The following GSK3B variants were observed in gnomAD, a reference collection of about 807,000 sequenced individuals.
GSK3B encodes the protein glycogen synthase kinase-3 beta.
GSK3B carries 15 observed loss-of-function variants against 56.4 expected under a neutral mutation model. The ratio of observed to expected loss-of-function variants is 0.27; its 90% CI spans 0.18 to 0.41. The LOEUF (loss-of-function observed/expected upper bound fraction) is 0.41, where lower values mean the gene tolerates loss of function less well. Among genes scored for constraint, GSK3B ranks in the 10% least tolerant of loss-of-function variants. The pLI is 1.00. For missense variants in GSK3B, 300 were observed against 513.4 expected (o/e 0.58, Z 4.02); for synonymous variants, 181 against 188.9 (o/e 0.96, Z 0.34).
intron 1 of GSK3B, among the ~76,000 whole-genome samples, chr3:120,027,788 T>C (rs1258606601): frequency 1.3e-5 from 2 of 152,208 alleles, no homozygotes; most frequent in African/African-American, 2.4e-5. Context: ...TTTCTCTAGA[T>C]AGTGAGAATA....
At chr3:120,039,104 T>A (rs1467058480) in intron 1 of GSK3B, among the ~76,000 whole-genome samples, 2 of 152,218 alleles carry the variant, frequency 1.3e-5, no homozygotes, top group Non-Finnish European at 2.9e-5. Flanking sequence ...CAACATCATA[T>A]GTCATTAGGG....
intron 2 of GSK3B, among the ~76,000 whole-genome samples, chr3:119,975,495 A>G (rs2057401552): frequency 6.6e-6 from 1 of 152,200 alleles, no homozygotes; most frequent in African/African-American, 2.4e-5. Context: ...CAGGCACCTT[A>G]AATGCATATT....
intron 7 of GSK3B, among the ~76,000 whole-genome samples, chr3:119,878,352 A>C (rs573620108): frequency 6.6e-6 from 1 of 152,316 alleles, no homozygotes; most frequent in African/African-American, 2.4e-5. Flanking sequence ...ATGGCAAATA[A>C]GCACAAGAAA....
At chr3:119,944,680 C>T (rs1468038270) in intron 3 of GSK3B, among the ~76,000 whole-genome samples, 1 of 152,180 alleles carries the variant, frequency 6.6e-6, no homozygotes, top group African/African-American at 2.4e-5. Flanking sequence ...CCTAGAGCCA[C>T]CACCACCATC....
intron 2 of GSK3B, among the ~76,000 whole-genome samples, chr3:119,990,316 T>G (rs968303599): frequency 1.3e-5 from 2 of 152,146 alleles, no homozygotes; most frequent in African/African-American, 4.8e-5. Context: ...TCCAATCTTG[T>G]GATAAGCCCC....
chr3:119,906,526 A>G (rs1309357385), intron 6 of GSK3B, among the ~76,000 whole-genome samples: 1 of 152,150 alleles, frequency 6.6e-6, no homozygotes, highest in African/African-American at 2.4e-5. Flanking sequence ...ACTTTAAAGT[A>G]TACATCCTGG....
At chr3:119,993,549 T>G (rs1402864997) in intron 2 of GSK3B, among the ~76,000 whole-genome samples, 2 of 152,164 alleles carry the variant, frequency 1.3e-5, no homozygotes, top group East Asian at 3.9e-4. Flanking sequence ...GAACTCTTAG[T>G]AAGTCCAACT....
At chr3:119,949,793 C>CA (rs927567102) in intron 2 of GSK3B, among the ~76,000 whole-genome samples, 18,481 of 61,716 alleles carry the variant, frequency 0.3, 2,715 homozygotes, top group African/African-American at 0.35. Flanking sequence ...GACTCCGTCT[C>CA]AAAAAAAAAA....
At chr3:120,051,480 T>C (rs2058149359) in intron 1 of GSK3B, among the ~76,000 whole-genome samples, 1 of 152,174 alleles carries the variant, frequency 6.6e-6, no homozygotes, top group Non-Finnish European at 1.5e-5. Context: ...AAAAGCACTA[T>C]ACTGGGTCAG....
At chr3:120,057,833 A>G (rs1012056421) in intron 1 of GSK3B, among the ~76,000 whole-genome samples, 1 of 152,138 alleles carries the variant, frequency 6.6e-6, no homozygotes, top group Non-Finnish European at 1.5e-5. Flanking sequence ...CCCCAAAACC[A>G]TGAAAACACC....
At chr3:119,862,539 AAAAAG>A (rs2056120295) in intron 9 of GSK3B, among the ~76,000 whole-genome samples, 1 of 149,248 alleles carries the variant, frequency 6.7e-6, no homozygotes, top group African/African-American at 2.4e-5. Context: ...AAAAAAAAAA[AAAAAG>A]AAAGATATGA....
intron 3 of GSK3B, among the ~76,000 whole-genome samples, chr3:119,931,795 G>C (rs969740312): frequency 2.0e-5 from 3 of 152,048 alleles, no homozygotes; most frequent in Non-Finnish European, 4.4e-5. Context: ...TCCTTTGAAA[G>C]GAATCTGCTA....
chr3:120,073,299 G>A (rs1381027095), intron 1 of GSK3B, among the ~76,000 whole-genome samples: 2 of 150,306 alleles, frequency 1.3e-5, no homozygotes, highest in South Asian at 2.1e-4. Flanking sequence ...TGATGCAAGA[G>A]TATCACCTGA....
chr3:120,093,622 T>C lies in GSK3B; in HGVS notation c.-188A>G. On this transcript the variant is annotated 5_prime_UTR_variant, in exon 1 of 11. Coordinates refer to ENST00000264235, the MANE Select transcript of GSK3B (RefSeq NM_001146156.2). ...TAAAAAACAAAACAAGCGATATATT[T>C]CTCCTTCAAGACAGATCGGCACGGA... is the stretch of plus-strand genomic sequence containing the variant. 2 of 525,766 alleles carry C rather than the reference T, an allele frequency of 3.8e-6. No homozygotes were observed. Among genetic ancestry groups the C allele is most frequent in the South Asian group, 5.7e-5 (2 of 35,286 alleles). 32.6% of individuals were successfully genotyped at this position (525,766 alleles called of 1,614,324 possible).
At chr3:119,844,396 T>C (rs1158364161) in intron 9 of GSK3B, among the ~76,000 whole-genome samples, 2 of 149,058 alleles carry the variant, frequency 1.3e-5, no homozygotes, top group African/African-American at 4.9e-5. Flanking sequence ...ATCCAGGAGC[T>C]GGTTTTTTGA....
intron 9 of GSK3B, 74 bp from the exon 10 acceptor site, chr3:119,843,427 T>G: frequency 1.2e-6 from 1 of 803,068 alleles, no homozygotes; most frequent in South Asian, 1.4e-5. Flanking sequence ...TTGGTAAGAG[T>G]GAAAATAAGA....
intron 3 of GSK3B, among the ~76,000 whole-genome samples, chr3:119,926,921 T>C (rs2056894228): frequency 2.0e-5 from 3 of 152,206 alleles, no homozygotes; most frequent in Admixed American, 2.0e-4. Context: ...CACCTTCACA[T>C]TCCCCATCTG....
chr3:120,041,021 G>A (rs1313349626), intron 1 of GSK3B, among the ~76,000 whole-genome samples: 1 of 152,050 alleles, frequency 6.6e-6, no homozygotes, highest in Non-Finnish European at 1.5e-5. Flanking sequence ...CAGCATCAAG[G>A]ATCTGCCACA....
chr3:119,845,748 T>C (rs2055846202), intron 9 of GSK3B, among the ~76,000 whole-genome samples: 1 of 152,192 alleles, frequency 6.6e-6, no homozygotes, highest in East Asian at 1.9e-4. Flanking sequence ...AAGTAATTTA[T>C]AGATTATTCA....
Sources: allele counts gnomAD v4.1 joint callset (sites outside exome capture counted in the v4.1 genomes callset), GRCh38; gene constraint gnomAD v4.1.1; transcripts MANE v1.5; gene names NCBI Gene and HGNC (gene_info 2026-07-23, HGNC 2026-07-21).